Variants in AGBL4 observed in about 807,000 individuals in gnomAD.
AGBL4 encodes the protein AGBL carboxypeptidase 4.
In AGBL4, 58 loss-of-function variants were observed where a neutral mutation model predicts 66.4. That is an observed-to-expected ratio of 0.87 (90% CI 0.71 to 1.09). The LOEUF is 1.09. Among genes scored for constraint, AGBL4 ranks in the 50% least tolerant of loss-of-function variants. The pLI is 0.00. For synonymous variants in AGBL4, 234 were observed against 222.9 expected, an observed-to-expected ratio of 1.05 and a Z score of -0.44; for missense variants, 579 against 631.0, an observed-to-expected ratio of 0.92 and a Z score of 0.88.
At chr1:48,847,071 G>C (rs111933331) in intron 6 of AGBL4, among the ~76,000 whole-genome samples, 2 of 151,770 alleles carry the variant, frequency 1.3e-5, no homozygotes, top group South Asian at 2.1e-4. Context: ...GAGGCCGAGG[G>C]GGGTGGATCA....
intron 6 of AGBL4, among the ~76,000 whole-genome samples, chr1:48,822,987 C>T (rs557608078): frequency 3.3e-5 from 5 of 152,302 alleles, no homozygotes; most frequent in South Asian, 4.1e-4. Context: ...GTCTCATGGT[C>T]CCAGCCCAGG....
intron 4 of AGBL4, among the ~76,000 whole-genome samples, chr1:49,072,572 C>T (rs1217914366): frequency 1.3e-5 from 2 of 152,182 alleles, no homozygotes; most frequent in African/African-American, 4.8e-5. Context: ...TATTGGCCTC[C>T]ACTCTCTTCT....
chr1:49,195,654 T>C (rs1010183408), intron 4 of AGBL4, among the ~76,000 whole-genome samples: 1 of 152,218 alleles, frequency 6.6e-6, no homozygotes, highest in South Asian at 2.1e-4. Flanking sequence ...TTGCAATGTA[T>C]TTTCCGGGTG....
intron 6 of AGBL4, among the ~76,000 whole-genome samples, chr1:48,785,153 C>A (rs1250199165): frequency 6.6e-6 from 1 of 152,236 alleles, no homozygotes; most frequent in Non-Finnish European, 1.5e-5. Flanking sequence ...CCTTCTTACA[C>A]ACTTCCATGG....
At chr1:49,648,150 G>T (rs549774198) in intron 3 of AGBL4, among the ~76,000 whole-genome samples, 1 of 152,148 alleles carries the variant, frequency 6.6e-6, no homozygotes, top group Admixed American at 6.6e-5. Flanking sequence ...GGCAATACAG[G>T]CAGAGATAAA....
chr1:48,988,631 G>A (rs1345921279), intron 5 of AGBL4, among the ~76,000 whole-genome samples: 1 of 152,184 alleles, frequency 6.6e-6, no homozygotes, highest in African/African-American at 2.4e-5. Context: ...AATACTGAGA[G>A]CCTGTGGCTG....
chr1:49,255,094 T>C lies in AGBL4; in HGVS notation c.283-9230A>G, dbSNP rs995352696. Among the ~76,000 whole-genome samples the C allele has an allele frequency of 3.9e-5, 6 of 152,122 alleles. No homozygotes were observed. The South Asian group carries it at 8.3e-4, about 21-fold the overall frequency. On this transcript the variant is annotated intron_variant, in intron 3 of 13. Transcript: ENST00000371839. ...AACCTAGGTAATACCATTCAGGACATAGTCACAGTCAAAGATTTCATGACA... is the reference window on the plus strand; with the variant it reads ...AACCTAGGTAATACCATTCAGGACACAGTCACAGTCAAAGATTTCATGACA...
intron 4 of AGBL4, among the ~76,000 whole-genome samples, chr1:49,122,592 A>G (rs1353205445): frequency 6.6e-6 from 1 of 152,222 alleles, no homozygotes; most frequent in Non-Finnish European, 1.5e-5. Context: ...ATGGTTAATT[A>G]TCACACAGTT....
At chr1:49,310,616 C>T (rs1461273095) in intron 3 of AGBL4, among the ~76,000 whole-genome samples, 2 of 151,992 alleles carry the variant, frequency 1.3e-5, no homozygotes, top group Non-Finnish European at 2.9e-5. Flanking sequence ...TTTGAAGATA[C>T]ATGGAATTTG....
chr1:49,295,427 A>G, intron 3 of AGBL4, among the ~76,000 whole-genome samples: 1 of 152,232 alleles, frequency 6.6e-6, no homozygotes, highest in East Asian at 1.9e-4. Flanking sequence ...GACTTTGAGG[A>G]AAAGTAAGAT....
intron 3 of AGBL4, among the ~76,000 whole-genome samples, chr1:49,401,574 A>G (rs749809830): frequency 6.6e-6 from 1 of 152,158 alleles, no homozygotes; most frequent in Non-Finnish European, 1.5e-5. Flanking sequence ...GTTTTGTCGA[A>G]TTTGGTTTGC....
At chr1:49,010,861 C>G (rs1244295797) in intron 5 of AGBL4, among the ~76,000 whole-genome samples, 1 of 151,118 alleles carries the variant, frequency 6.6e-6, no homozygotes. Context: ...CTTCCTTACA[C>G]CTTATACAAA....
chr1:49,409,288 A>AT (rs1180807432), intron 3 of AGBL4, among the ~76,000 whole-genome samples: 2 of 152,110 alleles, frequency 1.3e-5, no homozygotes, highest in Non-Finnish European at 2.9e-5. Flanking sequence ...GCTAGTGCCT[A>AT]TTTTTTAACA....
At position 48,789,292 on chromosome 1, in the gene AGBL4, A is replaced by ATT. The variant is rs1314865386; in HGVS notation, c.634+77898_634+77899insAA. Among the ~76,000 whole-genome samples, 250 of 110,890 alleles carry ATT rather than the reference A, an allele frequency of 2.3e-3. 2 individuals are homozygous for ATT. Among genetic ancestry groups the ATT allele is most frequent in the East Asian group, 0.021 (96 of 4,486 alleles). 72.7% of individuals were successfully genotyped at this position (110,890 alleles called of 152,430 possible). ...TTGCTGCGTGGATATATATATATAT[A>ATT]TATTTTTTTTTTTTGAGACGGCATC... On this transcript the variant is annotated intron_variant, in intron 6 of 13. Transcript: ENST00000371839.
intron 11 of AGBL4, among the ~76,000 whole-genome samples, chr1:48,558,052 A>G (rs1164634994): frequency 6.6e-6 from 1 of 152,244 alleles, no homozygotes; most frequent in South Asian, 2.1e-4. Context: ...TCATCCACCA[A>G]TCCTCAATTC....
At chr1:49,896,695 A>G (rs966007632) in intron 1 of AGBL4, among the ~76,000 whole-genome samples, 3 of 151,230 alleles carry the variant, frequency 2.0e-5, no homozygotes, top group African/African-American at 7.3e-5. Context: ...TGATGCAAAA[A>G]TTCTCAAAAA....
chr1:49,198,684 G>A (rs1401539734), intron 4 of AGBL4, among the ~76,000 whole-genome samples: 1 of 151,978 alleles, frequency 6.6e-6, no homozygotes, highest in African/African-American at 2.4e-5. Flanking sequence ...AAGTGGGTGA[G>A]GTATGCTGGA....
At chr1:48,819,603 A>G (rs1646265765) in intron 6 of AGBL4, among the ~76,000 whole-genome samples, 1 of 152,178 alleles carries the variant, frequency 6.6e-6, no homozygotes, top group Non-Finnish European at 1.5e-5. Flanking sequence ...AGTTCTGGTG[A>G]AAGTTGCAAA....
chr1:48,872,900 G>A lies in AGBL4; in HGVS notation c.595-5670C>T, dbSNP rs545866267. 1.0e-3 allele frequency among the ~76,000 whole-genome samples: 156 copies of A among 152,282 alleles called. 2 individuals are homozygous for A. In the South Asian group the frequency reaches 0.031, roughly 30 times the overall value. ...AAAGGAAGAATCACTCTAAACGGGG[G>A]AGCAACAGGCAGAGTGGGGGAATGC... On this transcript the variant is annotated intron_variant, in intron 5 of 13. Transcript: ENST00000371839.
Sources: gnomAD v4.1 joint callset for allele counts (sites outside exome capture counted in the v4.1 genomes callset) on GRCh38, gnomAD v4.1.1 for gene constraint, MANE v1.5 for transcripts, NCBI Gene and HGNC (gene_info 2026-07-23, HGNC 2026-07-21) for gene names.